LRRC27: variants seen among roughly 807,000 people sequenced by gnomAD.
LRRC27 encodes leucine rich repeat containing 27, also known as leucine-rich repeat-containing protein 27.
A neutral mutation model predicts 55.0 loss-of-function variants in LRRC27; 57 were observed. That is an observed-to-expected ratio of 1.04 (90% CI 0.84 to 1.29). LRRC27 has a LOEUF of 1.29. Ranked by LOEUF, LRRC27 falls within the 50% of genes most tolerant of loss-of-function variation. LRRC27 has a pLI of 0.00. For synonymous variants in LRRC27, 278 were observed against 251.9 expected, an observed-to-expected ratio of 1.10 and a Z score of -0.98; for missense variants, 721 against 651.5, an observed-to-expected ratio of 1.11 and a Z score of -1.16.
chr10:132,360,953 G>C (rs536093063), intron 8 of LRRC27, among the ~76,000 whole-genome samples: 1 of 152,218 alleles, frequency 6.6e-6, no homozygotes, highest in East Asian at 1.9e-4. Flanking sequence ...AGGCAGCAGC[G>C]AGCAGCACTG....
chr10:132,364,559 TTA>T (rs2068904152), intron 9 of LRRC27, among the ~76,000 whole-genome samples: 2 of 41,316 alleles, frequency 4.8e-5, no homozygotes, highest in African/African-American at 2.0e-4. Context: ...ACACCCACAC[TTA>T]CACCCACGTC....
intron 3 of LRRC27, among the ~76,000 whole-genome samples, chr10:132,341,404 A>C (rs770015421): frequency 9.2e-5 from 14 of 152,204 alleles, no homozygotes; most frequent in Non-Finnish European, 1.9e-4. Context: ...TAATCATCAT[A>C]ATTAAATGTG....
intron 6 of LRRC27, among the ~76,000 whole-genome samples, chr10:132,349,364 C>G (rs910401108): frequency 1.4e-4 from 22 of 152,162 alleles, no homozygotes; most frequent in Non-Finnish European, 3.2e-4. Flanking sequence ...TTCAGCTGTC[C>G]TGTAGGTTTG....
At chr10:132,341,751 A>G (rs1403111715) in intron 3 of LRRC27, among the ~76,000 whole-genome samples, 1 of 152,224 alleles carries the variant, frequency 6.6e-6, no homozygotes, top group Non-Finnish European at 1.5e-5. Flanking sequence ...ACAGAGCATG[A>G]TAAAACACTG....
At chr10:132,370,878 G>A (rs1052782328) in intron 10 of LRRC27, among the ~76,000 whole-genome samples, 82 of 152,182 alleles carry the variant, frequency 5.4e-4, no homozygotes, top group African/African-American at 1.9e-3. Context: ...CTGGTGAGAC[G>A]ATCATGCCAG....
chr10:132,360,723 C>T (rs904607710), intron 8 of LRRC27, among the ~76,000 whole-genome samples: 1 of 152,214 alleles, frequency 6.6e-6, no homozygotes, highest in Non-Finnish European at 1.5e-5. Flanking sequence ...TTCCAAACGT[C>T]ATCTCAGTAA....
Position 132,348,163 on chromosome 10 carries a change from A to G in LRRC27, c.733A>G (p.Lys245Glu). 1 of 1,614,088 alleles carries G rather than the reference A, an allele frequency of 6.2e-7. No homozygotes were observed. Among genetic ancestry groups the G allele is most frequent in the Non-Finnish European group, 8.5e-7 (1 of 1,180,034 alleles). Residue 245 changes from lysine to glutamate, a missense_variant, in exon 6 of 11, where the codon AAG (lysine) becomes GAG (glutamate). Coordinates refer to ENST00000368614, the MANE Select transcript of LRRC27 (RefSeq NM_030626.3). The surrounding 1 kb of genome is among the most constrained non-coding windows in gnomAD (Gnocchi z 4.2). The part of the protein sequence containing the change: ...VEKPDLSELR[K>E]SADSSENWPS... ...AAAGCCAGACCTGAGTGAACTCAGG[A>G]AGTCTGCGGACTCCTCAGAGAACTG...
intron 10 of LRRC27, among the ~76,000 whole-genome samples, chr10:132,366,037 C>T (rs1238782066): frequency 2.0e-5 from 3 of 152,364 alleles, no homozygotes; most frequent in East Asian, 1.9e-4. Flanking sequence ...ACATTTCAGC[C>T]GAGGGGCTGA....
intron 9 of LRRC27, among the ~76,000 whole-genome samples, chr10:132,361,992 A>C: frequency 6.6e-6 from 1 of 150,658 alleles, no homozygotes; most frequent in South Asian, 2.1e-4. Flanking sequence ...ATTTCTTCCC[A>C]CCCCAGCTTC....
intron 3 of LRRC27, among the ~76,000 whole-genome samples, chr10:132,338,710 C>CTTT (rs928264937): frequency 2.1e-5 from 3 of 140,024 alleles, no homozygotes; most frequent in African/African-American, 7.8e-5. Context: ...TTCTTTCTTT[C>CTTT]TTTTTTTTTT....
At chr10:132,331,529 C>T, upstream of LRRC27, 2 of 1,612,966 alleles carry the variant, frequency 1.2e-6, no homozygotes, top group Non-Finnish European at 1.7e-6. Context: ...GCAGCAAGTC[C>T]TGAGGCAAGA....
rs2069229024 is a variant in LRRC27 at position 132,372,052 on chromosome 10, A to T, written c.1417-3014A>T. On this transcript the variant is annotated intron_variant, in intron 10 of 10. Transcript: ENST00000368614. This position sits in a 1 kb window ranked among gnomAD's most constrained non-coding sequence, Gnocchi z 4.0. Reference sequence around the variant, plus strand: ...AAAATGCCAGCAAAGATGCACAGTGATGCAGCCCCAGAGCCTGAAAAGCAC... The same window carrying T: ...AAAATGCCAGCAAAGATGCACAGTGTTGCAGCCCCAGAGCCTGAAAAGCAC... Among the ~76,000 whole-genome samples the T allele has an allele frequency of 1.3e-5, 2 of 152,278 alleles. No individual in the cohort carries two copies. The highest frequency in any genetic ancestry group is 1.3e-4 in the Admixed American group (2 of 15,292).
chr10:132,347,763 C>A (rs950980428), intron 5 of LRRC27, among the ~76,000 whole-genome samples: 3 of 152,158 alleles, frequency 2.0e-5, no homozygotes, highest in African/African-American at 7.2e-5. Flanking sequence ...AGTGTTGTTT[C>A]CATTCCCTCC....
At chr10:132,367,117 G>T (rs1365980980) in intron 10 of LRRC27, 7 of 524,622 alleles carry the variant, frequency 1.3e-5, no homozygotes, top group Non-Finnish European at 1.7e-5. Context: ...AGTCGATTTG[G>T]TATTATGAAC....
At chr10:132,333,281 G>A (rs2066912374) in intron 1 of LRRC27, among the ~76,000 whole-genome samples, 196 bp from the exon 2 acceptor site, 1 of 151,236 alleles carries the variant, frequency 6.6e-6, no homozygotes, top group African/African-American at 2.4e-5. Context: ...CAAAGTGAGA[G>A]CAGAGAATTT....
chr10:132,370,329 A>G (rs2069184338), intron 10 of LRRC27, among the ~76,000 whole-genome samples: 1 of 152,182 alleles, frequency 6.6e-6, no homozygotes, highest in African/African-American at 2.4e-5. Context: ...GGGATGTGCT[A>G]TGTCACCCTG....
intron 9 of LRRC27, among the ~76,000 whole-genome samples, chr10:132,363,723 C>G (rs1240791040): frequency 6.6e-6 from 1 of 152,186 alleles, no homozygotes; most frequent in Admixed American, 6.5e-5. Flanking sequence ...GGCCCCGGCC[C>G]TGCTGCTCAG....
At chr10:132,366,342 C>G (rs903906706) in intron 10 of LRRC27, 2 of 152,526 alleles carry the variant, frequency 1.3e-5, no homozygotes, top group African/African-American at 4.8e-5. Flanking sequence ...TGACCAGGAG[C>G]CTCCTAAGCA....
At chr10:132,361,406 A>G (rs1000840119) in intron 8 of LRRC27, 51 bp from the exon 9 acceptor site, 1 of 1,485,888 alleles carries the variant, frequency 6.7e-7, no homozygotes, top group Non-Finnish European at 9.4e-7. Context: ...AGCTTTGTGG[A>G]AAAACATCAT....
Sources: gnomAD v4.1 joint callset for allele counts (sites outside exome capture counted in the v4.1 genomes callset) on GRCh38, gnomAD v4.1.1 for gene constraint, Gnocchi (gnomAD v3.1) non-coding constraint, MANE v1.5 for transcripts, NCBI Gene and HGNC (gene_info 2026-07-23, HGNC 2026-07-21) for gene names.